CNTRL: variants seen among roughly 807,000 people sequenced by gnomAD.
The protein encoded by CNTRL is centriolin.
A neutral mutation model predicts 303.7 loss-of-function variants in CNTRL; 233 were observed. That is an observed-to-expected ratio of 0.77 (90% confidence interval 0.69 to 0.86). CNTRL has a LOEUF of 0.86. Ranked by LOEUF, CNTRL falls within the 40% of genes least tolerant of loss-of-function variation. The pLI, the probability that CNTRL is intolerant of heterozygous loss-of-function variation, is 0.00. For synonymous variants in CNTRL, 900 were observed against 922.2 expected, an observed-to-expected ratio of 0.98 and a Z score of 0.44; for missense variants, 2,524 against 2,650.6, an observed-to-expected ratio of 0.95 and a Z score of 1.05.
intron 27 of CNTRL, 179 bp downstream of exon 27, chr9:121,155,092 GT>G: frequency 1.7e-6 from 1 of 602,616 alleles, no homozygotes; most frequent in South Asian, 2.0e-5. Flanking sequence ...AGTCATATAA[GT>G]CCCCTGGCTT....
Position 121,166,096 on chromosome 9 carries a change from C to T in CNTRL, c.5582-11C>T, listed in dbSNP as rs752741894. 1 of 1,599,616 alleles carries T rather than the reference C, an allele frequency of 6.3e-7. No individual in the cohort carries two copies. The highest frequency in any genetic ancestry group is 1.7e-5 in the Admixed American group (1 of 58,688). ...TGTATTTCTTATTTCATGAGAATGT[C>T]ATTTCTTTAGAAAAACGAGAAGCAG... On this transcript the variant is annotated splice_polypyrimidine_tract_variant and intron_variant, in intron 35 of 43. Coordinates refer to ENST00000373855, the MANE Select transcript of CNTRL (RefSeq NM_007018.6).
chr9:121,118,646 T>G lies in CNTRL; in HGVS notation c.1650+106T>G. 2.1e-6 allele frequency: 2 copies of G among 947,412 alleles called. 1 individual carries two copies. The highest frequency in any genetic ancestry group is 3.0e-6 in the Non-Finnish European group (2 of 664,134). The allele number at this position is 947,412 out of a possible 1,614,324, so 58.7% of individuals were successfully genotyped here. ...TTTCTGAAAGTCTGTTTTAGTTTGA[T>G]GTACAAATTTAAGTGATATATACAT... On this transcript the variant is annotated intron_variant, in intron 12 of 43. Transcript: ENST00000373855.
intron 12 of CNTRL, chr9:121,121,856 G>A: frequency 1.0e-6 from 1 of 985,146 alleles, no homozygotes; most frequent in Non-Finnish European, 1.2e-6. Flanking sequence ...AGAGAGGGAA[G>A]TGCACATGAA....
intron 19 of CNTRL, 61 bp downstream of exon 19, chr9:121,142,331 C>T (rs2051565839): frequency 7.0e-7 from 1 of 1,438,732 alleles, no homozygotes; most frequent in East Asian, 2.3e-5. Context: ...TGCCCACTGG[C>T]AACTAGGTCA....
Position 121,175,196 on chromosome 9 carries a change from C to T in CNTRL, c.6926C>T (p.Thr2309Ile), listed in dbSNP as rs778629427. The T allele has an allele frequency of 1.9e-6, 3 of 1,614,112 alleles. No individual in the cohort carries two copies. The highest frequency in any genetic ancestry group is 2.2e-5 in the South Asian group (2 of 91,086). The change falls in exon 43 of 44, where the codon ACA becomes ATA. Residue 2309 changes from threonine (T) to isoleucine (I), a missense_variant. Coordinates refer to ENST00000373855, the MANE Select transcript of CNTRL (RefSeq NM_007018.6). ...PSLSQLESSLTEDSQLGQNQE... is the reference protein window; with the variant it reads ...PSLSQLESSLIEDSQLGQNQE... ...CTGTCTCAGCTGGAGTCTTCCCTCA[C>T]AGAGGACTCTCAACTTGGACAAAAT... is the stretch of plus-strand genomic sequence containing the variant.
At chr9:121,080,090 T>C (rs1008836482) in intron 1 of CNTRL, among the ~76,000 whole-genome samples, 13 of 152,234 alleles carry the variant, frequency 8.5e-5, no homozygotes, top group African/African-American at 3.1e-4. Flanking sequence ...GATAGCTATA[T>C]GACATGGTCA....
chr9:121,094,645 C>G (rs2048812358), intron 4 of CNTRL, among the ~76,000 whole-genome samples: 1 of 152,150 alleles, frequency 6.6e-6, no homozygotes, highest in Non-Finnish European at 1.5e-5. Flanking sequence ...GTTGGATAGT[C>G]TTGAGCTTCT....
intron 12 of CNTRL, among the ~76,000 whole-genome samples, chr9:121,123,218 A>G (rs756496101): frequency 4.6e-5 from 7 of 152,196 alleles, no homozygotes; most frequent in Non-Finnish European, 5.9e-5. Context: ...GCATTTTGGG[A>G]TATAGTTTTT....
chr9:121,119,542 C>T (rs1194067162), intron 12 of CNTRL, among the ~76,000 whole-genome samples: 1 of 152,074 alleles, frequency 6.6e-6, no homozygotes, highest in Non-Finnish European at 1.5e-5. Context: ...GATCCACCCA[C>T]CTCAACCTCC....
At chr9:121,077,188 T>C (rs2047959399) in intron 1 of CNTRL, among the ~76,000 whole-genome samples, 1 of 152,178 alleles carries the variant, frequency 6.6e-6, no homozygotes, top group South Asian at 2.1e-4. Flanking sequence ...TCTCTTGCTC[T>C]GCAGACAGCC....
intron 7 of CNTRL, among the ~76,000 whole-genome samples, chr9:121,099,784 C>A (rs1017311640): frequency 6.6e-6 from 1 of 151,926 alleles, no homozygotes; most frequent in Non-Finnish European, 1.5e-5. Flanking sequence ...GTAGCTGATT[C>A]GATCAACTGG....
intron 2 of CNTRL, among the ~76,000 whole-genome samples, chr9:121,085,041 T>C (rs2048292144): frequency 6.6e-6 from 1 of 152,246 alleles, no homozygotes; most frequent in African/African-American, 2.4e-5. Context: ...ATAAAATTGA[T>C]TTTGTAAATA....
At chr9:121,162,021 T>G (rs1465965133) in intron 33 of CNTRL, 33 bp from the exon 34 acceptor site, 1 of 1,613,264 alleles carries the variant, frequency 6.2e-7, no homozygotes, top group Non-Finnish European at 8.5e-7. Context: ...CTTTCTCATT[T>G]AAGATGTTTG....
At chr9:121,150,149 C>G (rs1441470892) in intron 24 of CNTRL, 21 bp from the exon 25 acceptor site, 23 of 1,569,868 alleles carry the variant, frequency 1.5e-5, no homozygotes, top group Non-Finnish European at 1.9e-5. Context: ...TGAATAAACT[C>G]TTCTGTTTAT....
chr9:121,108,744 G>A (rs1195766806), intron 8 of CNTRL, among the ~76,000 whole-genome samples: 1 of 150,938 alleles, frequency 6.6e-6, no homozygotes, highest in Admixed American at 6.6e-5. Context: ...CATCAGCCTG[G>A]GCAACATAAT....
At position 121,146,219 on chromosome 9, in the gene CNTRL, G is replaced by A; in HGVS notation, c.3422G>A (p.Gly1141Asp). 6.2e-7 allele frequency: 1 copy of A among 1,613,452 alleles called. No individual in the cohort carries two copies. Among genetic ancestry groups the A allele is most frequent in the Non-Finnish European group, 8.5e-7 (1 of 1,179,804 alleles). The change falls in exon 23 of 44, where the codon GGC becomes GAC. Residue 1141 changes from glycine (G) to aspartate (D), a missense_variant. Transcript: ENST00000373855. ...SSMADPFKRR[G>D]YWYFMPPPPS... ...ATGGCAGATCCTTTCAAAAGACGAG[G>A]CTATTGGTACTTTATGCCACCACCA...
Position 121,140,644 on chromosome 9 carries a change from G to A in CNTRL, c.2341G>A (p.Asp781Asn). ...CCTATTTCATCCCCCTCCATAGGAT[G>A]ACAATAATCTGTTAAAACAGCAACT... The part of the protein sequence containing the change: ...LHAKLKHLQD[D>N]NNLLKQQLKD... The change falls in exon 17 of 44, where the codon GAC becomes AAC. Residue 781 changes from aspartate to asparagine, a missense_variant. Physicochemically the swap from Asp to Asn is conservative, Grantham distance 23. Coordinates refer to ENST00000373855, the MANE Select transcript of CNTRL (RefSeq NM_007018.6). 1 of 1,606,578 alleles carries A rather than the reference G, an allele frequency of 6.2e-7. No individual in the cohort carries two copies. Among genetic ancestry groups the A allele is most frequent in the Non-Finnish European group, 8.5e-7 (1 of 1,175,524 alleles).
intron 6 of CNTRL, 57 bp downstream of exon 6, chr9:121,096,620 A>C: frequency 1.5e-6 from 2 of 1,305,164 alleles, no homozygotes; most frequent in Non-Finnish European, 2.0e-6. Flanking sequence ...AAAGATTAAA[A>C]ATATCTAAGT....
chr9:121,125,138 G>C (rs2416817), intron 13 of CNTRL, among the ~76,000 whole-genome samples: 102,836 of 151,468 alleles, frequency 0.68, 35,599 homozygotes, highest in East Asian at 0.96. Context: ...CACAGTTTTG[G>C]TACATATTTT....
Sources: allele counts gnomAD v4.1 joint callset (sites outside exome capture counted in the v4.1 genomes callset), GRCh38; gene constraint gnomAD v4.1.1; transcripts MANE v1.5; gene names NCBI Gene and HGNC (gene_info 2026-07-23, HGNC 2026-07-21).